The following SLIT2 variants were observed in gnomAD, a reference collection of about 807,000 sequenced individuals.
SLIT2 encodes slit homolog 2 protein.
In SLIT2, 41 loss-of-function variants were observed where a neutral mutation model predicts 185.7. That is an observed-to-expected ratio of 0.22 (90% CI 0.17 to 0.29). SLIT2 has a LOEUF of 0.29. Among genes scored for constraint, SLIT2 ranks in the 10% least tolerant of loss-of-function variants. The probability of loss-of-function intolerance (pLI) is 1.00; values close to 1 mark genes in which losing one functional copy is unlikely to be tolerated. For synonymous variants in SLIT2, 693 were observed against 680.2 expected (o/e 1.02, Z -0.29); for missense variants, 1,571 against 1,909.0 (o/e 0.82, Z 3.30).
At chr4:20,342,087 A>G (rs1465137913) in intron 4 of SLIT2, among the ~76,000 whole-genome samples, 1 of 152,178 alleles carries the variant, frequency 6.6e-6, no homozygotes, top group Non-Finnish European at 1.5e-5. Flanking sequence ...ATTTCTTTGT[A>G]TAACTGGGCA....
At chr4:20,455,645 G>T (rs534410525) in intron 4 of SLIT2, among the ~76,000 whole-genome samples, 1 of 152,098 alleles carries the variant, frequency 6.6e-6, no homozygotes, top group South Asian at 2.1e-4. Context: ...CAACCTGGGG[G>T]TTAGAAAAGG....
At chr4:20,453,377 AT>A (rs1712691914) in intron 4 of SLIT2, among the ~76,000 whole-genome samples, 1 of 152,176 alleles carries the variant, frequency 6.6e-6, no homozygotes, top group African/African-American at 2.4e-5. Context: ...GATAGATATA[AT>A]TGGTGTGTAA....
At chr4:20,456,066 C>A (rs1486488905) in intron 4 of SLIT2, among the ~76,000 whole-genome samples, 2 of 151,988 alleles carry the variant, frequency 1.3e-5, no homozygotes, top group Non-Finnish European at 2.9e-5. Flanking sequence ...ACATGAAAAA[C>A]CTGGGTTCAG....
chr4:20,367,405 TA>T (rs1560358463), intron 4 of SLIT2, among the ~76,000 whole-genome samples: 1 of 152,162 alleles, frequency 6.6e-6, no homozygotes. Flanking sequence ...TTAAAGCATA[TA>T]AAACTAATAG....
intron 33 of SLIT2, 26 bp downstream of exon 33, chr4:20,598,421 A>C (rs1307122614): frequency 6.2e-7 from 1 of 1,612,934 alleles, no homozygotes; most frequent in African/African-American, 1.3e-5. Context: ...TTACGGGTAA[A>C]GGTGAAAAAA....
At chr4:20,431,068 G>T (rs142381530) in intron 4 of SLIT2, among the ~76,000 whole-genome samples, 7 of 152,274 alleles carry the variant, frequency 4.6e-5, no homozygotes, top group South Asian at 4.1e-4. Context: ...CCTGAGATCC[G>T]ATCTAAGGAA....
At chr4:20,437,914 CAAAAAAAAAA>C (rs1224604666) in intron 4 of SLIT2, among the ~76,000 whole-genome samples, 3 of 65,614 alleles carry the variant, frequency 4.6e-5, no homozygotes, top group Non-Finnish European at 8.3e-5. Context: ...GACTCCGTCT[CAAAAAAAAAA>C]AAAAAAAAAA....
intron 4 of SLIT2, among the ~76,000 whole-genome samples, chr4:20,331,307 AT>A (rs538479451): frequency 9.2e-5 from 14 of 152,096 alleles, no homozygotes; most frequent in Non-Finnish European, 1.9e-4. Flanking sequence ...TTTCCAATAC[AT>A]TTTCCAATTA....
At position 20,472,540 on chromosome 4, in the gene SLIT2, C is replaced by CTA. The variant is rs1560454969; in HGVS notation, c.467+4721_467+4722dup. 6.3e-4 allele frequency among the ~76,000 whole-genome samples: 6 copies of CTA among 9,494 alleles called. 2 individuals are homozygous for CTA. The highest frequency in any genetic ancestry group is 1.3e-3 in the African/African-American group (2 of 1,492). 6.2% of individuals were successfully genotyped at this position (9,494 alleles called of 152,430 possible). ...GATATATATCTATATATAGATATAT[C>CTA]TATATCTATATATAGATATATATCT... is the stretch of plus-strand genomic sequence containing the variant. On this transcript the variant is annotated intron_variant, in intron 5 of 36. Coordinates refer to ENST00000504154, the MANE Select transcript of SLIT2 (RefSeq NM_004787.4).
intron 3 of SLIT2, among the ~76,000 whole-genome samples, chr4:20,262,860 C>G (rs1712631676): frequency 6.6e-6 from 1 of 151,866 alleles, no homozygotes. Flanking sequence ...GAGAATTTCT[C>G]ATGCAACAGT....
chr4:20,464,840 T>A (rs568564261), intron 4 of SLIT2, among the ~76,000 whole-genome samples: 1 of 150,360 alleles, frequency 6.7e-6, no homozygotes, highest in Non-Finnish European at 1.5e-5. Context: ...ACTGTCAGTA[T>A]TTTTTTTAAT....
Position 20,567,629 on chromosome 4 carries a change from C to G in SLIT2, c.2948+14C>G. 1.3e-6 allele frequency: 2 copies of G among 1,549,988 alleles called. No homozygotes were observed. The highest frequency in any genetic ancestry group is 1.8e-6 in the Non-Finnish European group (2 of 1,121,894). Reference sequence around the variant, plus strand: ...AGATGGATTCTGGTAGGTCATTAGTCTATGACCATCTGTGTCTGAAGTATT... The same window carrying G: ...AGATGGATTCTGGTAGGTCATTAGTGTATGACCATCTGTGTCTGAAGTATT... On this transcript the variant is annotated intron_variant, in intron 28 of 36. Transcript: ENST00000504154.
chr4:20,533,807 A>G (rs1722016249), intron 18 of SLIT2, 92 bp downstream of exon 18: 1 of 1,036,768 alleles, frequency 9.6e-7, no homozygotes, highest in Non-Finnish European at 1.4e-6. Context: ...ACCTACTTTT[A>G]CCCACCCCAC....
intron 4 of SLIT2, among the ~76,000 whole-genome samples, chr4:20,458,656 T>C (rs1035170106): frequency 6.6e-6 from 1 of 152,204 alleles, no homozygotes; most frequent in African/African-American, 2.4e-5. Context: ...GCCAGACCTC[T>C]ATAGAAGCTA....
intron 4 of SLIT2, among the ~76,000 whole-genome samples, chr4:20,382,575 C>T (rs1262447753): frequency 1.3e-5 from 2 of 151,948 alleles, no homozygotes; most frequent in African/African-American, 2.4e-5. Flanking sequence ...TCAGAGAATA[C>T]GAAATATATA....
At chr4:20,515,367 A>G (rs1032662693) in intron 11 of SLIT2, among the ~76,000 whole-genome samples, 1 of 152,166 alleles carries the variant, frequency 6.6e-6, no homozygotes, top group Admixed American at 6.5e-5. Flanking sequence ...TCCTCAATAT[A>G]TGATTTTTCT....
chr4:20,255,099 G>A (rs1323066), intron 1 of SLIT2: 337,970 of 455,330 alleles, frequency 0.74, 126,418 homozygotes, highest in East Asian at 0.96. Flanking sequence ...TCGCGGTTGC[G>A]TGTGGGCCGG....
chr4:20,508,504 T>C (rs903476449), intron 9 of SLIT2, among the ~76,000 whole-genome samples: 2 of 152,106 alleles, frequency 1.3e-5, no homozygotes, highest in Admixed American at 1.3e-4. Flanking sequence ...TGTTAAATGA[T>C]ATAGCAATAC....
At position 20,370,667 on chromosome 4, in the gene SLIT2, A is replaced by AGCC. The variant is rs1473401894; in HGVS notation, c.396-97085_396-97084insGCC. ...TCCTCAAATCATTCTCCATTTCCCAAATTCTTGACCTTGGTAAATGGCTAT... is the reference window on the plus strand; with the variant it reads ...TCCTCAAATCATTCTCCATTTCCCAAGCCATTCTTGACCTTGGTAAATGGCTAT... On this transcript the variant is annotated intron_variant, in intron 4 of 36. Transcript: ENST00000504154. Among the ~76,000 whole-genome samples the AGCC allele has an allele frequency of 1.9e-3, 294 of 152,138 alleles. 8 individuals are homozygous for AGCC. In the East Asian group the frequency reaches 0.047, roughly 24 times the overall value.
Sources: gnomAD v4.1 joint callset for allele counts (sites outside exome capture counted in the v4.1 genomes callset) on GRCh38, gnomAD v4.1.1 for gene constraint, MANE v1.5 for transcripts, NCBI Gene and HGNC (gene_info 2026-07-23, HGNC 2026-07-21) for gene names.